The following ARHGAP28 variants were observed in gnomAD, a reference collection of about 807,000 sequenced individuals.
ARHGAP28 encodes the protein rho GTPase-activating protein 28.
A neutral mutation model predicts 90.7 loss-of-function variants in ARHGAP28; 56 were observed. That is an observed-to-expected ratio of 0.62 (90% confidence interval 0.50 to 0.77). The LOEUF is 0.77. Among genes scored for constraint, ARHGAP28 ranks in the 30% least tolerant of loss-of-function variants. The pLI is 0.00. For missense variants in ARHGAP28, 869 were observed against 900.9 expected (o/e 0.96, Z 0.45); for synonymous variants, 308 against 323.3 (o/e 0.95, Z 0.51).
chr18:6,777,931 G>C (rs920434281), intron 1 of ARHGAP28, among the ~76,000 whole-genome samples: 2 of 152,088 alleles, frequency 1.3e-5, no homozygotes, highest in Admixed American at 1.3e-4. Context: ...GCATTTTTCC[G>C]ATCTGGTGGC....
intron 2 of ARHGAP28, among the ~76,000 whole-genome samples, chr18:6,831,471 G>GTTTTTTTTTTTTTTTTGTTT (rs57331018): frequency 9.1e-6 from 1 of 109,296 alleles, no homozygotes; most frequent in African/African-American, 3.5e-5. Flanking sequence ...GTATCTTGAT[G>GTTTTTTTTTTTTTTTTGTTT]TTTTTTTTTT....
chr18:6,817,043 T>A (rs372027776), intron 1 of ARHGAP28, among the ~76,000 whole-genome samples: 2 of 151,474 alleles, frequency 1.3e-5, no homozygotes, highest in East Asian at 3.9e-4. Flanking sequence ...GTAGCTATGA[T>A]TGCACCACTG....
intron 11 of ARHGAP28, among the ~76,000 whole-genome samples, chr18:6,882,551 C>G (rs1429727679): frequency 6.6e-6 from 1 of 152,122 alleles, no homozygotes; most frequent in Non-Finnish European, 1.5e-5. Flanking sequence ...ATTTGGATTC[C>G]TGTGCAACCA....
intron 14 of ARHGAP28, among the ~76,000 whole-genome samples, chr18:6,894,602 T>TC (rs2057291289): frequency 1.3e-5 from 2 of 152,244 alleles, no homozygotes; most frequent in Admixed American, 6.5e-5. Flanking sequence ...TCTTTTGCTG[T>TC]TACAATCTGT....
intron 10 of ARHGAP28, among the ~76,000 whole-genome samples, chr18:6,880,638 G>A (rs1379192246): frequency 6.6e-6 from 1 of 152,204 alleles, no homozygotes; most frequent in Admixed American, 6.5e-5. Flanking sequence ...ATGAACTGGA[G>A]TTCCCCAGAC....
At chr18:6,831,471 G>GTTTTTTTTTTTTTTTGT (rs2056714475) in intron 2 of ARHGAP28, among the ~76,000 whole-genome samples, 1 of 109,302 alleles carries the variant, frequency 9.1e-6, no homozygotes, top group African/African-American at 3.5e-5. Context: ...GTATCTTGAT[G>GTTTTTTTTTTTTTTTGT]TTTTTTTTTT....
At chr18:6,763,077 G>T (rs2143347369) in intron 1 of ARHGAP28, among the ~76,000 whole-genome samples, 1 of 150,098 alleles carries the variant, frequency 6.7e-6, no homozygotes, top group East Asian at 2.0e-4. Context: ...TTATGAGAGG[G>T]ATGGTTGTTT....
intron 1 of ARHGAP28, among the ~76,000 whole-genome samples, chr18:6,811,201 CTGCAACTGGGGTCACCCT>C (rs2056553610): frequency 1.3e-5 from 2 of 152,270 alleles, no homozygotes; most frequent in African/African-American, 4.8e-5. Context: ...AATCTTGCTG[CTGCAACTGGGGTCACCCT>C]TGCCAACTTT....
At position 6,889,355 on chromosome 18, in the gene ARHGAP28, G is replaced by C. The variant is rs956582431; in HGVS notation, c.1537-533G>C. On this transcript the variant is annotated intron_variant, in intron 12 of 17. Coordinates refer to ENST00000383472, the MANE Select transcript of ARHGAP28 (RefSeq NM_001366230.1). ...AAAGTTGAAAAGCAATAGAAAAATA[G>C]CACCCAAAAATTCAATTTTTTTATT... is the stretch of plus-strand genomic sequence containing the variant. Among the ~76,000 whole-genome samples the C allele has an allele frequency of 4.6e-5, 7 of 152,206 alleles. No individual in the cohort carries two copies. In the East Asian group the frequency reaches 1.4e-3, roughly 29 times the overall value.
At chr18:6,873,292 T>A in intron 7 of ARHGAP28, 117 bp from the exon 8 acceptor site, 1 of 813,252 alleles carries the variant, frequency 1.2e-6, no homozygotes, top group Non-Finnish European at 2.0e-6. Context: ...TCCTTAGAGA[T>A]GTTTTCCAAA....
intron 17 of ARHGAP28, among the ~76,000 whole-genome samples, chr18:6,911,141 G>C (rs985391769): frequency 1.3e-5 from 2 of 152,072 alleles, no homozygotes; most frequent in African/African-American, 4.8e-5. Context: ...GCCAGCTCTT[G>C]GTAGTTTTGT....
At chr18:6,809,138 G>C (rs1015063579) in intron 1 of ARHGAP28, among the ~76,000 whole-genome samples, 1 of 152,134 alleles carries the variant, frequency 6.6e-6, no homozygotes, top group African/African-American at 2.4e-5. Flanking sequence ...TGATTAGAAG[G>C]CTAATTTAAT....
chr18:6,811,720 GT>G (rs1567955533), intron 1 of ARHGAP28, among the ~76,000 whole-genome samples: 1 of 148,506 alleles, frequency 6.7e-6, no homozygotes, highest in Non-Finnish European at 1.5e-5. Flanking sequence ...ACATAGTGCT[GT>G]TTTTTCTTTT....
At chr18:6,900,114 G>C (rs78564534) in intron 16 of ARHGAP28, among the ~76,000 whole-genome samples, 1,850 of 152,210 alleles carry the variant, frequency 0.012, 39 homozygotes, top group African/African-American at 0.043. Context: ...GAGCCAGTTG[G>C]TGTCCTGCTT....
chr18:6,883,228 G>A (rs752918933), intron 11 of ARHGAP28, among the ~76,000 whole-genome samples: 1 of 141,426 alleles, frequency 7.1e-6, no homozygotes, highest in African/African-American at 2.7e-5. Flanking sequence ...ATTTGAGAGT[G>A]TCAGGCACTA....
Position 6,894,771 on chromosome 18 carries a change from C to T in ARHGAP28, c.1849-64C>T, listed in dbSNP as rs1233678327. The T allele has an allele frequency of 3.5e-6, 5 of 1,411,946 alleles. No individual in the cohort carries two copies. In the African/African-American group the frequency reaches 4.3e-5, roughly 12 times the overall value. 87.5% of individuals were successfully genotyped at this position (1,411,946 alleles called of 1,614,324 possible). A position where few individuals can be genotyped will look rare whatever the true frequency, so the allele number is the denominator to read the frequency against. On this transcript the variant is annotated intron_variant, in intron 14 of 17. Transcript: ENST00000383472. ...TCTCCATAAAGATTGTACCAGTTTA[C>T]ACTTCCAAAAGCAACATATGCTTGT...
intron 1 of ARHGAP28, among the ~76,000 whole-genome samples, chr18:6,770,547 C>T (rs2056234120): frequency 6.6e-6 from 1 of 152,192 alleles, no homozygotes; most frequent in Admixed American, 6.5e-5. Context: ...TGGGATCAAA[C>T]ATGCTCGTCA....
intron 1 of ARHGAP28, among the ~76,000 whole-genome samples, chr18:6,753,239 A>G (rs1038321840): frequency 3.3e-5 from 5 of 152,232 alleles, no homozygotes; most frequent in African/African-American, 1.2e-4. Flanking sequence ...TATTTTCAGG[A>G]CAATATTGTA....
In ARHGAP28 at chr18:6,900,928, A is replaced by G. The variant is rs60900353; in HGVS notation, c.2030+4302A>G. ...TATCCAGAGAGAAATGAGGACACCA[A>G]TTCAAATAATAGCAGATTTCTCTTC... is the stretch of plus-strand genomic sequence containing the variant. On this transcript the variant is annotated intron_variant, in intron 16 of 17. Transcript: ENST00000383472. 9.7e-3 allele frequency among the ~76,000 whole-genome samples: 1,481 copies of G among 152,326 alleles called. 21 individuals are homozygous for G. The highest frequency in any genetic ancestry group is 0.032 in the African/African-American group (1,317 of 41,574).
Sources: gnomAD v4.1 joint callset for allele counts (sites outside exome capture counted in the v4.1 genomes callset) on GRCh38, gnomAD v4.1.1 for gene constraint, MANE v1.5 for transcripts, NCBI Gene and HGNC (gene_info 2026-07-23, HGNC 2026-07-21) for gene names.